TPM2: variants seen among roughly 807,000 people sequenced by gnomAD.
TPM2 encodes the protein tropomyosin 2, also known as tropomyosin beta chain.
Under a neutral mutation model 41.0 loss-of-function variants are expected in TPM2, and 26 were observed. The observed-to-expected ratio is 0.63, with a 90% confidence interval of 0.46 to 0.88. The LOEUF is 0.88. TPM2 is among the 40% of genes least tolerant of loss of function. The pLI, the probability that TPM2 is intolerant of heterozygous loss-of-function variation, is 0.00. For synonymous variants in TPM2, 143 were observed against 139.3 expected, an observed-to-expected ratio of 1.03 and a Z score of -0.19; for missense variants, 187 against 355.2, an observed-to-expected ratio of 0.53 and a Z score of 3.81.
downstream of TPM2, chr9:35,682,363 T>A: frequency 2.0e-6 from 2 of 983,870 alleles, no homozygotes; most frequent in Non-Finnish European, 3.0e-6. Flanking sequence ...GATGCCTCAC[T>A]CAAGGCCTTG....
In TPM2 at chr9:35,684,921, G is replaced by A. The variant is rs77405181; in HGVS notation, c.564-114C>T. On this transcript the variant is annotated intron_variant, in intron 5 of 8. Coordinates refer to ENST00000645482, the MANE Select transcript of TPM2 (RefSeq NM_003289.4). ...AGAGAAGAGAAGAGCAAAGTTGTGA[G>A]AGTGACAGCAGGCAGGGCTCAGAAG... 3 of 1,610,388 alleles carry A rather than the reference G, an allele frequency of 1.9e-6. No individual in the cohort carries two copies. The African/African-American group carries it at 4.0e-5, about 21-fold the overall frequency.
In TPM2 at chr9:35,689,197, G is replaced by C. The variant is rs768912812; in HGVS notation, c.189C>G (p.Ser63=). The change falls in exon 2 of 9, where the codon TCC becomes TCG. Residue 63 remains serine, a synonymous_variant. Transcript: ENST00000645482. ...TEDEVEKYSE[S]VKEAQEKLEQ... ...CCAGTTTCTCCTGGGCCTCCTTCACGGATTCAGAATACTTTTCCACCTCAT... is the reference window on the plus strand; with the variant it reads ...CCAGTTTCTCCTGGGCCTCCTTCACCGATTCAGAATACTTTTCCACCTCAT... 9.3e-6 allele frequency: 15 copies of C among 1,614,158 alleles called. No homozygotes were observed. Among genetic ancestry groups the C allele is most frequent in the Non-Finnish European group, 1.3e-5 (15 of 1,180,030 alleles).
At chr9:35,682,696 C>T (rs1253964217), downstream of TPM2, 1 of 1,313,150 alleles carries the variant, frequency 7.6e-7, no homozygotes, top group Non-Finnish European at 1.0e-6. Flanking sequence ...CAGGGATTGG[C>T]ACCAGAGGCG....
chr9:35,685,154 CA>C lies in TPM2; in HGVS notation c.563+114del. 6.2e-7 allele frequency: 1 copy of C among 1,614,166 alleles called. No individual in the cohort carries two copies. Among genetic ancestry groups the C allele is most frequent in the Non-Finnish European group, 8.5e-7 (1 of 1,180,020 alleles). The stretch of plus-strand genomic sequence containing the variant: ...GTCTGGCTCGGCTGGGGGCAGCGGG[CA>C]GGGGTCAGAGAACAGGGCCTGTCCC... On this transcript the variant is annotated intron_variant, in intron 5 of 8. Coordinates refer to ENST00000645482, the MANE Select transcript of TPM2 (RefSeq NM_003289.4). This position sits in a 1 kb window ranked among gnomAD's most constrained non-coding sequence, Gnocchi z 5.0.
chr9:35,686,720 G>A (rs1284596191), intron 2 of TPM2, among the ~76,000 whole-genome samples: 1 of 150,542 alleles, frequency 6.6e-6, no homozygotes, highest in Non-Finnish European at 1.5e-5. Context: ...AGAAGCCCAA[G>A]AGGCAGGCCT....
intron 2 of TPM2, 61 bp downstream of exon 2, chr9:35,689,085 A>AC: frequency 6.2e-7 from 1 of 1,603,802 alleles, no homozygotes; most frequent in Non-Finnish European, 8.5e-7. Flanking sequence ...TTATTCCCAT[A>AC]CCCGGGGGGC....
At position 35,684,822 on chromosome 9, in the gene TPM2, T is replaced by TGGG; in HGVS notation, c.564-16_564-15insCCC. On this transcript the variant is annotated splice_polypyrimidine_tract_variant and intron_variant, in intron 5 of 8. Transcript: ENST00000645482. Reference sequence around the variant, plus strand: ...CCCCACATTTACTGCAGGGGGTGTGTGGCGGGGGGGGCAGGGTGTGAGGGC... The same window carrying TGGG: ...CCCCACATTTACTGCAGGGGGTGTGTGGGGGCGGGGGGGGCAGGGTGTGAGGGC... The TGGG allele has an allele frequency of 1.3e-6, 2 of 1,486,352 alleles. No homozygotes were observed. Among genetic ancestry groups the TGGG allele is most frequent in the Middle Eastern group, 1.7e-4 (1 of 5,802 alleles). 92.1% of individuals were successfully genotyped at this position (1,486,352 alleles called of 1,614,324 possible). A position where few individuals can be genotyped will look rare whatever the true frequency, so the allele number is the denominator to read the frequency against.
downstream of TPM2, chr9:35,682,008 T>C (rs990152165): frequency 6.6e-7 from 1 of 1,517,794 alleles, no homozygotes; most frequent in Non-Finnish European, 9.2e-7. Flanking sequence ...TTAAAGGGCC[T>C]TGAGAGGCTA....
downstream of TPM2, chr9:35,682,786 G>A: frequency 7.4e-7 from 1 of 1,343,486 alleles, no homozygotes; most frequent in South Asian, 1.2e-5. Context: ...CTGTGCAGAG[G>A]GGTTTCAGCG....
At position 35,684,601 on chromosome 9, in the gene TPM2, A is replaced by G. The variant is rs572169466; in HGVS notation, c.640-51T>C. On this transcript the variant is annotated intron_variant, in intron 6 of 8. Coordinates refer to ENST00000645482, the MANE Select transcript of TPM2 (RefSeq NM_003289.4). ...AGTACAGCGCTACCACAGATCCTTC[A>G]TTTCTCCATTGTACCCCGTAGGCTC... The G allele has an allele frequency of 3.1e-6, 5 of 1,613,614 alleles. No individual in the cohort carries two copies. In the East Asian group the frequency reaches 8.9e-5, roughly 29 times the overall value.
At chr9:35,682,279 T>C, downstream of TPM2, 1 of 1,147,060 alleles carries the variant, frequency 8.7e-7, no homozygotes, top group Non-Finnish European at 1.3e-6. Flanking sequence ...GACACATGCA[T>C]TCACGGACCT....
chr9:35,686,356 C>T (rs1005043398), intron 2 of TPM2: 2 of 166,962 alleles, frequency 1.2e-5, no homozygotes, highest in African/African-American at 4.8e-5. Flanking sequence ...GTCACCTGCA[C>T]ACAAGTCCTC....
intron 8 of TPM2, among the ~76,000 whole-genome samples, chr9:35,683,845 G>C (rs1321374723): frequency 6.6e-6 from 1 of 152,216 alleles, no homozygotes; most frequent in Admixed American, 6.5e-5. Context: ...CTCTGCACTA[G>C]AACTCTACTG....
chr9:35,682,753 A>G (rs1211550842), downstream of TPM2: 1 of 1,318,026 alleles, frequency 7.6e-7, no homozygotes. Context: ...GTGGTGAATC[A>G]GAGAGCGACA....
chr9:35,685,773 G>A lies in TPM2; in HGVS notation c.248C>T (p.Ala83Val), dbSNP rs770922057. The change falls in exon 3 of 9, where the codon GCA (alanine) becomes GTA (valine). Residue 83 changes from alanine to valine, a missense_variant. Ala to Val is a moderately conservative substitution (Grantham distance 64). Coordinates refer to ENST00000645482, the MANE Select transcript of TPM2 (RefSeq NM_003289.4). This position sits in a 1 kb window ranked among gnomAD's most constrained non-coding sequence, Gnocchi z 5.0. ...GCGGCGGTTCAGGGAGGCCACATCT[G>A]CCTCAGCCTGTGGGTCAGAGGTCAG... The part of the protein sequence containing the change: ...QAEKKATDAE[A>V]DVASLNRRIQ... The A allele has an allele frequency of 5.0e-6, 8 of 1,614,050 alleles. No homozygotes were observed. In the South Asian group the frequency reaches 8.8e-5, roughly 18 times the overall value.
rs1824665072 is a variant in TPM2 at position 35,683,062 on chromosome 9, T to G, written c.*97A>C. ...CTGCTCCCAGCCTGGCTGTGCAATGTTGGCAATTTCTGCTCCTCCTGCCTG... is the reference window on the plus strand; with the variant it reads ...CTGCTCCCAGCCTGGCTGTGCAATGGTGGCAATTTCTGCTCCTCCTGCCTG... On this transcript the variant is annotated 3_prime_UTR_variant, in exon 9 of 9. Coordinates refer to ENST00000645482, the MANE Select transcript of TPM2 (RefSeq NM_003289.4). 6 of 1,551,026 alleles carry G rather than the reference T, an allele frequency of 3.9e-6. No individual in the cohort carries two copies. The South Asian group carries it at 7.1e-5, about 18-fold the overall frequency.
intron 8 of TPM2, chr9:35,683,959 C>G: frequency 2.3e-6 from 1 of 441,832 alleles, no homozygotes; most frequent in South Asian, 2.1e-5. Flanking sequence ...AATGTAAATC[C>G]TCCAGCCCAA....
At chr9:35,689,955 AG>A, upstream of TPM2, 2 of 1,539,062 alleles carry the variant, frequency 1.3e-6, no homozygotes, top group Non-Finnish European at 1.8e-6. Context: ...GGCGCCTAAA[AG>A]GCGGGGAGGG....
At chr9:35,689,068 A>G in intron 2 of TPM2, 78 bp downstream of exon 2, 1 of 1,531,976 alleles carries the variant, frequency 6.5e-7, no homozygotes, top group Non-Finnish European at 9.0e-7. Context: ...AAGGTGCCCC[A>G]ATCCTCTTAT....
Sources: allele counts gnomAD v4.1 joint callset (sites outside exome capture counted in the v4.1 genomes callset), GRCh38; gene constraint gnomAD v4.1.1; non-coding constraint Gnocchi (gnomAD v3.1); transcripts MANE v1.5; gene names NCBI Gene and HGNC (gene_info 2026-07-23, HGNC 2026-07-21).